The following ZNF736 variants were observed in gnomAD, a reference collection of about 807,000 sequenced individuals.
ZNF736 encodes the protein zinc finger protein 736, also known as KRAB-containing zinc-finger repressor protein.
ZNF736 carries 6 observed loss-of-function variants against 11.7 expected under a neutral mutation model. The ratio of observed to expected loss-of-function variants is 0.51; its 90% CI spans 0.28 to 1.01. The LOEUF (loss-of-function observed/expected upper bound fraction) is 1.01, where lower values mean the gene tolerates loss of function less well. Ranked by LOEUF, ZNF736 falls within the 50% of genes least tolerant of loss-of-function variation. ZNF736 has a pLI of 0.09. For synonymous variants in ZNF736, 139 were observed against 164.7 expected (o/e 0.84, Z 1.19); for missense variants, 444 against 496.0 (o/e 0.90, Z 1.00).
At chr7:64,347,048 T>C (rs532937622) in intron 3 of ZNF736, among the ~76,000 whole-genome samples, 15 of 152,036 alleles carry the variant, frequency 9.9e-5, no homozygotes, top group Admixed American at 3.9e-4. Context: ...TATGTTGTAA[T>C]GTTGCAATTT....
At chr7:64,342,071 G>A (rs1283743122) in intron 3 of ZNF736, among the ~76,000 whole-genome samples, 2 of 152,148 alleles carry the variant, frequency 1.3e-5, no homozygotes, top group Non-Finnish European at 2.9e-5. Context: ...TAATCTGCTG[G>A]TGCATTCACA....
chr7:64,348,465 A>G lies in ZNF736; in HGVS notation c.602A>G (p.Tyr201Cys), dbSNP rs753771988. 1 of 1,552,126 alleles carries G rather than the reference A, an allele frequency of 6.4e-7. No individual in the cohort carries two copies. Among genetic ancestry groups the G allele is most frequent in the Non-Finnish European group, 8.7e-7 (1 of 1,147,980 alleles). The change falls in exon 4 of 4, where the codon TAC (tyrosine) becomes TGC (cysteine). Residue 201 changes from tyrosine (Y) to cysteine (C), a missense_variant. Transcript: ENST00000423484. ...AAAATTCATACTGTAGAGAGATGCT[A>G]CAAATGTGAAGAATGTGGCAAAGCG... ...HKKIHTVERC[Y>C]KCEECGKAFK...
intron 3 of ZNF736, among the ~76,000 whole-genome samples, chr7:64,346,611 A>G (rs1289529642): frequency 6.6e-6 from 1 of 151,960 alleles, no homozygotes; most frequent in Non-Finnish European, 1.5e-5. Flanking sequence ...CCTGAATTCC[A>G]GATTCTCTTC....
At chr7:64,335,717 G>A (rs778982394) in intron 1 of ZNF736, among the ~76,000 whole-genome samples, 6 of 152,076 alleles carry the variant, frequency 3.9e-5, no homozygotes, top group Non-Finnish European at 8.8e-5. Flanking sequence ...TTTCTTTACT[G>A]GTCAAATAAA....
At position 64,314,171 on chromosome 7, in the gene ZNF736, G is replaced by C. The variant is rs1320629335; in HGVS notation, c.3+18G>C. 2.6e-6 allele frequency: 4 copies of C among 1,551,792 alleles called. No homozygotes were observed. Among genetic ancestry groups the C allele is most frequent in the Admixed American group, 2.0e-5 (1 of 50,996 alleles). ...GGGAAATGGTGAGTGCGTGGAGTGG[G>C]TGTCCCGAGAATGGGGAAGAGGCTG... On this transcript the variant is annotated intron_variant, in intron 1 of 3. Transcript: ENST00000423484.
At chr7:64,315,679 G>T (rs1788906486) in intron 1 of ZNF736, among the ~76,000 whole-genome samples, 1 of 152,070 alleles carries the variant, frequency 6.6e-6, no homozygotes, top group Admixed American at 6.6e-5. Flanking sequence ...AGGGTCGTTG[G>T]TTTTCTCTGC....
rs4718067 is a variant in ZNF736 at position 64,356,018 on chromosome 7, G to A, written c.*6871G>A. On this transcript the variant is annotated 3_prime_UTR_variant, in exon 4 of 4. Transcript: ENST00000423484. The stretch of plus-strand genomic sequence containing the variant: ...TAAGAAAACCCACCTTCTGCCAGTA[G>A]TAAAATCCAGTAAGATTGGTATTCT... 0.29 allele frequency: 52,406 copies of A among 179,716 alleles called. 7,898 individuals carry two copies. Among genetic ancestry groups the A allele is most frequent in the African/African-American group, 0.33 (14,048 of 42,074 alleles). The allele number at this position is 179,716 out of a possible 1,614,324, so 11.1% of individuals were successfully genotyped here.
At chr7:64,319,369 A>G (rs866685296) in intron 1 of ZNF736, among the ~76,000 whole-genome samples, 3 of 127,006 alleles carry the variant, frequency 2.4e-5, no homozygotes, top group East Asian at 2.3e-4. Flanking sequence ...ATATATATAT[A>G]TATATATATA....
rs979862656 is a variant in ZNF736 at position 64,353,102 on chromosome 7, G to A, written c.*3955G>A. The A allele has an allele frequency of 4.6e-5, 7 of 152,230 alleles. No homozygotes were observed. The highest frequency in any genetic ancestry group is 1.3e-4 in the Admixed American group (2 of 15,278). The allele number at this position is 152,230 out of a possible 1,614,324, so 9.4% of individuals were successfully genotyped here. A position where few individuals can be genotyped will look rare whatever the true frequency, so the allele number is the denominator to read the frequency against. On this transcript the variant is annotated 3_prime_UTR_variant, in exon 4 of 4. Transcript: ENST00000423484. The stretch of plus-strand genomic sequence containing the variant: ...AGTGGCTTATCTGCTGAGACTCCAT[G>A]TAGCTCTGTGTGTTAAACTGAAGGC...
At chr7:64,330,854 G>A (rs1166942615) in intron 1 of ZNF736, among the ~76,000 whole-genome samples, 1 of 151,034 alleles carries the variant, frequency 6.6e-6, no homozygotes, top group East Asian at 1.9e-4. Context: ...CAGGAACTAA[G>A]TCCTAGAATA....
At position 64,332,698 on chromosome 7, in the gene ZNF736, A is replaced by G. The variant is rs181942979; in HGVS notation, c.4-3561A>G. 5.8e-3 allele frequency among the ~76,000 whole-genome samples: 889 copies of G among 152,158 alleles called. 6 individuals are homozygous for G. The highest frequency in any genetic ancestry group is 0.014 in the Middle Eastern group (4 of 294). On this transcript the variant is annotated intron_variant, in intron 1 of 3. Coordinates refer to ENST00000423484, the MANE Select transcript of ZNF736 (RefSeq NM_001170905.3). ...TCAGTCCTTATCTCAACCACACAAG[A>G]CAGACACTCCCAGAGCTGCCGTTTA...
At chr7:64,331,113 A>G (rs1271555443) in intron 1 of ZNF736, among the ~76,000 whole-genome samples, 7 of 152,162 alleles carry the variant, frequency 4.6e-5, no homozygotes. Flanking sequence ...GAGCCTAGCA[A>G]AGCACCAGGA....
At position 64,349,188 on chromosome 7, in the gene ZNF736, A is replaced by G; in HGVS notation, c.*41A>G. The G allele has an allele frequency of 7.0e-7, 1 of 1,420,820 alleles. No homozygotes were observed. The highest frequency in any genetic ancestry group is 1.5e-5 in the South Asian group (1 of 67,644). 88.0% of individuals were successfully genotyped at this position (1,420,820 alleles called of 1,614,324 possible). A position where few individuals can be genotyped will look rare whatever the true frequency, so the allele number is the denominator to read the frequency against. ...TTTACCAAGTCCTCATACTGTGTTC[A>G]ACATCTGAAATTTAATACTGAACAA... On this transcript the variant is annotated 3_prime_UTR_variant, in exon 4 of 4. Transcript: ENST00000423484.
At chr7:64,333,375 T>C (rs1296345316) in intron 1 of ZNF736, among the ~76,000 whole-genome samples, 1 of 152,226 alleles carries the variant, frequency 6.6e-6, no homozygotes, top group Non-Finnish European at 1.5e-5. Context: ...CATGAATTTA[T>C]ACCTGCAACA....
Position 64,348,556 on chromosome 7 carries a change from T to G in ZNF736, c.693T>G (p.Cys231Trp). Residue 231 changes from cysteine (C) to tryptophan (W), a missense_variant, in exon 4 of 4, where the codon TGT becomes TGG. Coordinates refer to ENST00000423484, the MANE Select transcript of ZNF736 (RefSeq NM_001170905.3). ...RVHTGEKPYKCEGCGKTFTCS... is the reference protein window; with the variant it reads ...RVHTGEKPYKWEGCGKTFTCS... ...ATACTGGAGAGAAACCTTACAAATG[T>G]GAAGGATGTGGCAAAACTTTTACCT... The G allele has an allele frequency of 6.3e-7, 1 of 1,587,622 alleles. No homozygotes were observed. Among genetic ancestry groups the G allele is most frequent in the Non-Finnish European group, 8.6e-7 (1 of 1,166,770 alleles).
At chr7:64,333,690 A>C (rs1789205552) in intron 1 of ZNF736, among the ~76,000 whole-genome samples, 1 of 152,186 alleles carries the variant, frequency 6.6e-6, no homozygotes, top group African/African-American at 2.4e-5. Context: ...GGATAGGAAG[A>C]ATCAATATCA....
At position 64,348,512 on chromosome 7, in the gene ZNF736, A is replaced by G; in HGVS notation, c.649A>G (p.Thr217Ala). ...GKAFKKFSNL[T>A]EHKRVHTGEK... is the part of the protein sequence containing the mutation. ...AGCGTTTAAAAAGTTTTCAAACCTT[A>G]CTGAACATAAGAGAGTTCATACTGG... Residue 217 changes from threonine (T) to alanine (A), a missense_variant, in exon 4 of 4, where the codon ACT becomes GCT. Physicochemically the swap from Thr to Ala is moderately conservative, Grantham distance 58. Transcript: ENST00000423484. 1 of 1,572,982 alleles carries G rather than the reference A, an allele frequency of 6.4e-7. No individual in the cohort carries two copies. Among genetic ancestry groups the G allele is most frequent in the Non-Finnish European group, 8.6e-7 (1 of 1,159,350 alleles).
At chr7:64,345,839 A>G (rs1180656755) in intron 3 of ZNF736, among the ~76,000 whole-genome samples, 4 of 152,020 alleles carry the variant, frequency 2.6e-5, no homozygotes, top group East Asian at 1.9e-4. Flanking sequence ...TGGACCATAA[A>G]TAATTGTCCG....
At chr7:64,318,894 G>A (rs1788954804) in intron 1 of ZNF736, among the ~76,000 whole-genome samples, 1 of 152,066 alleles carries the variant, frequency 6.6e-6, no homozygotes, top group Non-Finnish European at 1.5e-5. Flanking sequence ...ACAACTCTGG[G>A]GGCTTCATGA....
Sources: allele counts gnomAD v4.1 joint callset (sites outside exome capture counted in the v4.1 genomes callset), GRCh38; gene constraint gnomAD v4.1.1; transcripts MANE v1.5; gene names NCBI Gene and HGNC (gene_info 2026-07-23, HGNC 2026-07-21).